LRRC27: variants seen among roughly 807,000 people sequenced by gnomAD.
LRRC27 encodes leucine-rich repeat-containing protein 27.
LRRC27 carries 57 observed loss-of-function variants against 55.0 expected under a neutral mutation model. That is an observed-to-expected ratio of 1.04 (90% CI 0.84 to 1.29). LRRC27 has a LOEUF of 1.29. LRRC27 is among the 50% of genes most tolerant of loss of function. The pLI is 0.00. For missense variants in LRRC27, 721 were observed against 651.5 expected, an observed-to-expected ratio of 1.11 and a Z score of -1.16; for synonymous variants, 278 against 251.9, an observed-to-expected ratio of 1.10 and a Z score of -0.98.
upstream of LRRC27, chr10:132,330,516 A>C (rs1379184045): frequency 7.0e-6 from 5 of 716,626 alleles, no homozygotes; most frequent in Admixed American, 2.0e-5. Context: ...TATGTACGAA[A>C]ACTTTTTTTT....
At chr10:132,356,667 T>A (rs149690023) in intron 8 of LRRC27, among the ~76,000 whole-genome samples, 2 of 152,212 alleles carry the variant, frequency 1.3e-5, no homozygotes, top group Non-Finnish European at 2.9e-5. Context: ...ACATCTTGAG[T>A]ACAGTCCTCT....
chr10:132,371,246 G>A (rs537044364), intron 10 of LRRC27, among the ~76,000 whole-genome samples: 85 of 152,380 alleles, frequency 5.6e-4, no homozygotes, highest in African/African-American at 1.9e-3. Flanking sequence ...CATGCACCCG[G>A]GAGCCTGGCC....
At chr10:132,343,331 A>G (rs545859742) in intron 4 of LRRC27, among the ~76,000 whole-genome samples, 33 of 152,260 alleles carry the variant, frequency 2.2e-4, no homozygotes, top group African/African-American at 7.5e-4. Flanking sequence ...CAAAACAACA[A>G]CAACAACAAA....
At chr10:132,360,304 C>G (rs2068551453) in intron 8 of LRRC27, among the ~76,000 whole-genome samples, 1 of 152,182 alleles carries the variant, frequency 6.6e-6, no homozygotes, top group Admixed American at 6.5e-5. Context: ...CCATGTTGGC[C>G]AGGCTGGTTT....
At chr10:132,364,451 A>G (rs368515380) in intron 9 of LRRC27, among the ~76,000 whole-genome samples, 43 of 115,626 alleles carry the variant, frequency 3.7e-4, no homozygotes, top group Middle Eastern at 4.3e-3. Flanking sequence ...CTCCACACCC[A>G]CACTCACACC....
At chr10:132,347,139 A>G (rs756706302) in intron 5 of LRRC27, among the ~76,000 whole-genome samples, 2 of 152,278 alleles carry the variant, frequency 1.3e-5, no homozygotes, top group African/African-American at 4.8e-5. Context: ...ATAATGGGCT[A>G]AACATTACTT....
At chr10:132,334,486 C>G (rs1423823508) in intron 2 of LRRC27, among the ~76,000 whole-genome samples, 1 of 152,180 alleles carries the variant, frequency 6.6e-6, no homozygotes, top group African/African-American at 2.4e-5. Context: ...GGTGATCTGC[C>G]TGTCTCAGCT....
upstream of LRRC27, chr10:132,330,444 T>C: frequency 1.4e-6 from 1 of 717,162 alleles, no homozygotes. Flanking sequence ...GTGGCTGGCC[T>C]CCCCACGCTC....
chr10:132,364,038 G>C (rs1445625099), intron 9 of LRRC27, among the ~76,000 whole-genome samples: 1 of 151,942 alleles, frequency 6.6e-6, no homozygotes, highest in Non-Finnish European at 1.5e-5. Context: ...CCTTTAAAAA[G>C]CCCACAGCAG....
chr10:132,343,344 AC>A (rs2138684725), intron 4 of LRRC27, among the ~76,000 whole-genome samples: 1 of 152,306 alleles, frequency 6.6e-6, no homozygotes, highest in South Asian at 2.1e-4. Context: ...ACAACAAAAA[AC>A]AAAAATAAAA....
At chr10:132,363,573 C>T (rs1262234551) in intron 9 of LRRC27, among the ~76,000 whole-genome samples, 1 of 152,196 alleles carries the variant, frequency 6.6e-6, no homozygotes, top group Admixed American at 6.5e-5. Context: ...GACCCCAGGG[C>T]ATGAGCACTG....
chr10:132,366,132 G>C (rs1476390654), intron 10 of LRRC27, among the ~76,000 whole-genome samples: 1 of 152,232 alleles, frequency 6.6e-6, no homozygotes, highest in Non-Finnish European at 1.5e-5. Context: ...CTGCTGACAG[G>C]GACTGGGAAC....
chr10:132,332,512 G>C (rs1303120399), intron 1 of LRRC27: 1 of 152,212 alleles, frequency 6.6e-6, no homozygotes, highest in East Asian at 1.9e-4. Flanking sequence ...GAAACCCCAC[G>C]GAGCCTGCGC....
chr10:132,345,639 G>A (rs946129109), intron 5 of LRRC27, among the ~76,000 whole-genome samples: 3 of 152,196 alleles, frequency 2.0e-5, no homozygotes, highest in Admixed American at 6.5e-5. Flanking sequence ...CTGGCAGTGT[G>A]GAGGGCACTG....
chr10:132,339,553 C>T (rs993570932), intron 3 of LRRC27, among the ~76,000 whole-genome samples: 1 of 152,210 alleles, frequency 6.6e-6, no homozygotes, highest in African/African-American at 2.4e-5. Context: ...CGAGCCCGGC[C>T]AGCCGCTTGT....
chr10:132,357,602 G>A (rs12246170), intron 8 of LRRC27, among the ~76,000 whole-genome samples: 2,446 of 152,264 alleles, frequency 0.016, 53 homozygotes, highest in African/African-American at 0.056. Context: ...CTGGAAGAAC[G>A]TACAGCAACC....
rs897561488 is a variant in LRRC27 at position 132,338,543 on chromosome 10, T to C, written c.341+848T>C. 9.9e-5 allele frequency among the ~76,000 whole-genome samples: 15 copies of C among 152,168 alleles called. No homozygotes were observed. In the South Asian group the frequency reaches 1.5e-3, roughly 15 times the overall value. ...CCCATGGTGGAAACGTCACACCTCCTTTCCCCTCCTCAGCCTGGCCCTTCC... is the reference window on the plus strand; with the variant it reads ...CCCATGGTGGAAACGTCACACCTCCCTTCCCCTCCTCAGCCTGGCCCTTCC... On this transcript the variant is annotated intron_variant, in intron 3 of 10. Coordinates refer to ENST00000368614, the MANE Select transcript of LRRC27 (RefSeq NM_030626.3).
At chr10:132,337,058 C>A in intron 2 of LRRC27, 1 of 1,295,080 alleles carries the variant, frequency 7.7e-7, no homozygotes, top group Non-Finnish European at 9.8e-7. Context: ...TTGTTTGCTG[C>A]TGATCGTAGA....
rs1454385518 is a variant in LRRC27, at chr10:132,377,460, A to G, written c.*2218A>G. 6.6e-6 allele frequency: 1 copy of G among 152,186 alleles called. No individual in the cohort carries two copies. The highest frequency in any genetic ancestry group is 2.4e-5 in the African/African-American group (1 of 41,442). The allele number at this position is 152,186 out of a possible 1,614,324, so 9.4% of individuals were successfully genotyped here. A position where few individuals can be genotyped will look rare whatever the true frequency, so the allele number is the denominator to read the frequency against. On this transcript the variant is annotated 3_prime_UTR_variant, in exon 11 of 11. Coordinates refer to ENST00000368614, the MANE Select transcript of LRRC27 (RefSeq NM_030626.3). ...TCATTAGCATTTCCTGAATGAGCCA[A>G]TGACCCTGAGAAGGTCCCTCCCATC...
Sources: allele counts gnomAD v4.1 joint callset (sites outside exome capture counted in the v4.1 genomes callset), GRCh38; gene constraint gnomAD v4.1.1; transcripts MANE v1.5; gene names NCBI Gene and HGNC (gene_info 2026-07-23, HGNC 2026-07-21).